CTNNA1: variants seen among roughly 807,000 people sequenced by gnomAD.
CTNNA1 encodes catenin alpha-1.
In CTNNA1, 37 loss-of-function variants were observed where a neutral mutation model predicts 98.4. That is an observed-to-expected ratio of 0.38 (90% CI 0.29 to 0.49). CTNNA1 has a LOEUF of 0.49. Ranked by LOEUF, CTNNA1 falls within the 20% of genes least tolerant of loss-of-function variation. CTNNA1 has a pLI of 0.95. For synonymous variants in CTNNA1, 404 were observed against 413.2 expected, an observed-to-expected ratio of 0.98 and a Z score of 0.27; for missense variants, 761 against 1,147.2, an observed-to-expected ratio of 0.66 and a Z score of 4.86.
At chr5:138,821,432 T>C (rs1760031967) in intron 5 of CTNNA1, among the ~76,000 whole-genome samples, 1 of 152,252 alleles carries the variant, frequency 6.6e-6, no homozygotes, top group Non-Finnish European at 1.5e-5. Flanking sequence ...TTGCCTTTTG[T>C]GATTATTTTT....
At chr5:138,755,715 G>A (rs964195100) in intron 1 of CTNNA1, among the ~76,000 whole-genome samples, 1 of 152,084 alleles carries the variant, frequency 6.6e-6, no homozygotes, top group Non-Finnish European at 1.5e-5. Context: ...CTGTGCATTG[G>A]GAAGCTTTTT....
At chr5:138,919,321 G>A (rs373796892) in intron 11 of CTNNA1, among the ~76,000 whole-genome samples, 1 of 152,124 alleles carries the variant, frequency 6.6e-6, no homozygotes, top group African/African-American at 2.4e-5. Flanking sequence ...GCCCCCCTCC[G>A]GATAAATACT....
At chr5:138,932,873 A>G (rs751134589) in intron 17 of CTNNA1, 161 bp downstream of exon 17, 1 of 925,202 alleles carries the variant, frequency 1.1e-6, no homozygotes, top group South Asian at 1.3e-5. Context: ...TCTGTCCATC[A>G]TCTGTTCCCT....
intron 5 of CTNNA1, among the ~76,000 whole-genome samples, chr5:138,813,692 C>G (rs966018930): frequency 6.6e-6 from 1 of 152,190 alleles, no homozygotes; most frequent in African/African-American, 2.4e-5. Context: ...GTGGTGGCAT[C>G]ATGTAACCTC....
intron 7 of CTNNA1, among the ~76,000 whole-genome samples, chr5:138,837,718 C>G: frequency 6.6e-6 from 1 of 151,568 alleles, no homozygotes; most frequent in Non-Finnish European, 1.5e-5. Context: ...ACTTCCCAGG[C>G]TCAGGTGATT....
chr5:138,928,579 CCA>C (rs1764624729), intron 13 of CTNNA1, among the ~76,000 whole-genome samples: 1 of 152,088 alleles, frequency 6.6e-6, no homozygotes, highest in African/African-American at 2.4e-5. Flanking sequence ...CCTTTTCTAC[CCA>C]GGACAGTTCT....
At chr5:138,916,006 G>A (rs1289343019) in intron 10 of CTNNA1, among the ~76,000 whole-genome samples, 6 of 152,042 alleles carry the variant, frequency 3.9e-5, no homozygotes, top group Admixed American at 6.5e-5. Context: ...CTGAGATCGC[G>A]CCACTGCTCT....
chr5:138,786,274 T>C (rs1242535200), intron 3 of CTNNA1, among the ~76,000 whole-genome samples: 1 of 152,244 alleles, frequency 6.6e-6, no homozygotes, highest in African/African-American at 2.4e-5. Context: ...TACTTTTTTC[T>C]CTTGGCTTAC....
chr5:138,786,717 G>A (rs1755752267), intron 3 of CTNNA1, among the ~76,000 whole-genome samples: 2 of 152,172 alleles, frequency 1.3e-5, no homozygotes, highest in Non-Finnish European at 2.9e-5. Context: ...CCAACCATCA[G>A]TCAGCACACA....
chr5:138,835,228 G>C (rs750976693), intron 7 of CTNNA1, among the ~76,000 whole-genome samples: 24 of 152,174 alleles, frequency 1.6e-4, no homozygotes, highest in Non-Finnish European at 3.2e-4. Context: ...GGTGACAGGG[G>C]ATATGATGGC....
chr5:138,801,937 A>T (rs372011045), intron 3 of CTNNA1, among the ~76,000 whole-genome samples: 18 of 152,248 alleles, frequency 1.2e-4, no homozygotes, highest in African/African-American at 4.3e-4. Flanking sequence ...AAACTTCTCG[A>T]CTTAAATGAG....
intron 3 of CTNNA1, among the ~76,000 whole-genome samples, chr5:138,802,044 T>C (rs1047547756): frequency 4.6e-5 from 7 of 152,160 alleles, no homozygotes; most frequent in Admixed American, 6.5e-5. Flanking sequence ...AGCGTAGATA[T>C]TGGATAAAAT....
At chr5:138,852,200 T>TA (rs1248324124) in intron 7 of CTNNA1, among the ~76,000 whole-genome samples, 2 of 152,178 alleles carry the variant, frequency 1.3e-5, no homozygotes, top group African/African-American at 4.8e-5. Context: ...AGTACTTGAG[T>TA]AATAGGGGTA....
At chr5:138,813,950 C>G (rs990066361) in intron 5 of CTNNA1, among the ~76,000 whole-genome samples, 5 of 152,094 alleles carry the variant, frequency 3.3e-5, no homozygotes, top group African/African-American at 7.2e-5. Flanking sequence ...ATGACAGCTT[C>G]TTTTCTGGGG....
chr5:138,908,743 C>T (rs1213339314), intron 10 of CTNNA1, among the ~76,000 whole-genome samples: 2 of 152,062 alleles, frequency 1.3e-5, no homozygotes, highest in African/African-American at 4.8e-5. Context: ...AAGGAACCCA[C>T]ATTTTTTGGC....
chr5:138,804,133 T>C (rs907410784), intron 3 of CTNNA1, among the ~76,000 whole-genome samples: 1 of 152,248 alleles, frequency 6.6e-6, no homozygotes, highest in African/African-American at 2.4e-5. Flanking sequence ...GGTATCTTAA[T>C]TGACACTCAC....
intron 10 of CTNNA1, among the ~76,000 whole-genome samples, chr5:138,907,228 C>T (rs563003362): frequency 2.0e-5 from 3 of 152,206 alleles, no homozygotes; most frequent in Non-Finnish European, 4.4e-5. Flanking sequence ...CACCATGTTG[C>T]CCATGCTGGT....
chr5:138,911,317 G>A (rs1760571510), intron 10 of CTNNA1, among the ~76,000 whole-genome samples: 1 of 152,146 alleles, frequency 6.6e-6, no homozygotes, highest in Non-Finnish European at 1.5e-5. Flanking sequence ...GCAGTACACA[G>A]AATAATGGCC....
intron 7 of CTNNA1, among the ~76,000 whole-genome samples, chr5:138,867,143 T>G (rs1424226077): frequency 2.0e-5 from 3 of 152,234 alleles, no homozygotes; most frequent in African/African-American, 7.2e-5. Context: ...CTTTGTGCAA[T>G]TTAAAACCAC....
Sources: gnomAD v4.1 joint callset for allele counts (sites outside exome capture counted in the v4.1 genomes callset) on GRCh38, gnomAD v4.1.1 for gene constraint, MANE v1.5 for transcripts, NCBI Gene and HGNC (gene_info 2026-07-23, HGNC 2026-07-21) for gene names.